The following SCMH1 variants were observed in gnomAD, a reference collection of about 807,000 sequenced individuals.
SCMH1 encodes the protein polycomb protein SCMH1.
In SCMH1, 37 loss-of-function variants were observed where a neutral mutation model predicts 70.8. That is an observed-to-expected ratio of 0.52 (90% CI 0.40 to 0.69). The LOEUF (loss-of-function observed/expected upper bound fraction) is 0.69. Ranked by LOEUF, SCMH1 falls within the 30% of genes least tolerant of loss-of-function variation. SCMH1 has a pLI of 0.00. For synonymous variants in SCMH1, 292 were observed against 307.4 expected (o/e 0.95, Z 0.52); for missense variants, 607 against 827.3 (o/e 0.73, Z 3.27).
At chr1:41,230,951 G>A (rs1222180465) in intron 1 of SCMH1, among the ~76,000 whole-genome samples, 2 of 152,168 alleles carry the variant, frequency 1.3e-5, no homozygotes, top group East Asian at 3.8e-4. Flanking sequence ...GATTATTATT[G>A]CTTGCAAATT....
intron 4 of SCMH1, among the ~76,000 whole-genome samples, chr1:41,155,415 G>T (rs938303917): frequency 6.6e-6 from 1 of 152,010 alleles, no homozygotes; most frequent in Non-Finnish European, 1.5e-5. Flanking sequence ...CCCACATGGA[G>T]CTTACAACAA....
exon 15 of SCMH1, chr1:41,028,228 T>A (rs769468039): frequency 1.9e-6 from 3 of 1,614,164 alleles, no homozygotes; most frequent in Non-Finnish European, 2.5e-6. Context: ...GTCAATGTGG[T>A]AGGAGAGCTT....
At chr1:41,062,964 CTT>C (rs1338907496) in intron 10 of SCMH1, among the ~76,000 whole-genome samples, 2 of 147,954 alleles carry the variant, frequency 1.4e-5, no homozygotes, top group Non-Finnish European at 1.5e-5. Context: ...GAAAATAAAA[CTT>C]ATCACAATTT....
At chr1:41,174,241 CA>C (rs1465492866) in intron 2 of SCMH1, among the ~76,000 whole-genome samples, 1 of 148,650 alleles carries the variant, frequency 6.7e-6, no homozygotes, top group Non-Finnish European at 1.5e-5. Flanking sequence ...TAATAACAGA[CA>C]AAACCAAAAA....
chr1:41,137,438 C>T (rs1053826406), intron 6 of SCMH1, among the ~76,000 whole-genome samples: 11 of 152,190 alleles, frequency 7.2e-5, no homozygotes, highest in African/African-American at 2.7e-4. Flanking sequence ...GACATGCATA[C>T]ATATGCACAC....
chr1:41,185,786 C>A (rs1557768217), intron 2 of SCMH1, among the ~76,000 whole-genome samples: 1 of 151,914 alleles, frequency 6.6e-6, no homozygotes, highest in Non-Finnish European at 1.5e-5. Flanking sequence ...CAGGCATGCG[C>A]CACCATGCCC....
chr1:41,131,101 A>G (rs1674580872), intron 6 of SCMH1, among the ~76,000 whole-genome samples: 1 of 152,146 alleles, frequency 6.6e-6, no homozygotes, highest in Non-Finnish European at 1.5e-5. Context: ...GTAGGGTCCA[A>G]CTTCATTTTT....
intron 12 of SCMH1, chr1:41,041,298 A>G (rs1210850413): frequency 2.6e-5 from 4 of 152,212 alleles, no homozygotes; most frequent in African/African-American, 9.7e-5. Context: ...AACAAATACT[A>G]TTAATTACTT....
At position 41,214,970 on chromosome 1, in the gene SCMH1, G is replaced by A. The variant is rs142106073; in HGVS notation, c.-118+27089C>T. On this transcript the variant is annotated intron_variant, in intron 1 of 14. Transcript: ENST00000337495. ...AACGTAGTTATGTTACCTAAAACTC[G>A]AGAAAAACAGAATTTGAAATATAAC... Among the ~76,000 whole-genome samples the A allele has an allele frequency of 6.2e-3, 951 of 152,212 alleles. 9 individuals are homozygous for A. The highest frequency in any genetic ancestry group is 0.02 in the African/African-American group (848 of 41,534).
At chr1:41,203,617 C>T (rs978012496) in intron 1 of SCMH1, among the ~76,000 whole-genome samples, 22 of 152,192 alleles carry the variant, frequency 1.4e-4, no homozygotes, top group Non-Finnish European at 3.1e-4. Flanking sequence ...ATAACGCCCA[C>T]GCAGGAAGGT....
rs558037264 is a variant in SCMH1 at position 41,136,498 on chromosome 1, T to C, written c.412+6380A>G. Among the ~76,000 whole-genome samples, 5 of 151,684 alleles carry C rather than the reference T, an allele frequency of 3.3e-5. No individual in the cohort carries two copies. The East Asian group carries it at 7.8e-4, about 24-fold the overall frequency. On this transcript the variant is annotated intron_variant, in intron 6 of 14. Coordinates refer to ENST00000337495, the Ensembl canonical transcript of SCMH1. ...GTTCAAGTGATTCTCCTCAGCCTCC[T>C]GAGTAGCTGGGACTACAGGCATGCA...
chr1:41,039,479 C>CTTT (rs35830007), intron 12 of SCMH1, among the ~76,000 whole-genome samples: 1 of 145,482 alleles, frequency 6.9e-6, no homozygotes, highest in Non-Finnish European at 1.5e-5. Context: ...ATTGCAAATA[C>CTTT]TTTTTTTTTT....
In SCMH1 at chr1:41,028,738, G is replaced by A. The variant is rs1558252823; in HGVS notation, c.1679-12C>T. On this transcript the variant is annotated splice_polypyrimidine_tract_variant and intron_variant, in intron 13 of 14. Transcript: ENST00000337495. The stretch of plus-strand genomic sequence containing the variant: ...GTATCGGTCCGACCCTGCAGGACAG[G>A]AGGGCACCTACCATAAAGGGCGGGG... 2.5e-6 allele frequency: 4 copies of A among 1,613,574 alleles called. No individual in the cohort carries two copies. The highest frequency in any genetic ancestry group is 1.7e-5 in the Admixed American group (1 of 59,982).
At chr1:41,043,720 A>T (rs2148657831) in intron 12 of SCMH1, 1 of 151,906 alleles carries the variant, frequency 6.6e-6, no homozygotes, top group South Asian at 2.1e-4. Flanking sequence ...GGTGTGAGCC[A>T]CCGCGCCTGG....
chr1:41,091,383 T>C (rs1663444707), intron 8 of SCMH1, among the ~76,000 whole-genome samples: 2 of 152,202 alleles, frequency 1.3e-5, no homozygotes, highest in South Asian at 4.1e-4. Context: ...ATGGGATGTA[T>C]CTCAAAATAA....
chr1:41,119,843 T>C (rs1003220502), intron 6 of SCMH1, among the ~76,000 whole-genome samples: 5 of 152,196 alleles, frequency 3.3e-5, no homozygotes, highest in African/African-American at 1.2e-4. Context: ...TAATAATTCC[T>C]GCCTCCTCCT....
chr1:41,091,540 T>A (rs1347630737), intron 8 of SCMH1, among the ~76,000 whole-genome samples: 1 of 152,144 alleles, frequency 6.6e-6, no homozygotes, highest in Non-Finnish European at 1.5e-5. Context: ...GCCAGGGCAA[T>A]CAGGCAAGAG....
intron 13 of SCMH1, among the ~76,000 whole-genome samples, chr1:41,032,117 T>C (rs1331980790): frequency 2.6e-5 from 4 of 152,210 alleles, no homozygotes; most frequent in African/African-American, 9.7e-5. Context: ...GCTGGTGCCT[T>C]GATCTTGGAC....
rs779560093 is a variant in SCMH1, at chr1:41,071,766, G to A, written c.979-1045C>T. ...CGACCTCCACCTCCCAGGCTCAAGCGATCCTCCCACCTCAGCCTCCTGAGT... is the reference window on the plus strand; with the variant it reads ...CGACCTCCACCTCCCAGGCTCAAGCAATCCTCCCACCTCAGCCTCCTGAGT... On this transcript the variant is annotated intron_variant, in intron 9 of 14. Transcript: ENST00000337495. 6.1e-4 allele frequency among the ~76,000 whole-genome samples: 93 copies of A among 151,972 alleles called. 1 individual carries two copies. In the Middle Eastern group the frequency reaches 9.5e-3, roughly 16 times the overall value.
Sources: allele counts gnomAD v4.1 joint callset (sites outside exome capture counted in the v4.1 genomes callset), GRCh38; gene constraint gnomAD v4.1.1; transcripts MANE v1.5; gene names NCBI Gene and HGNC (gene_info 2026-07-23, HGNC 2026-07-21).